The following ECE2 variants were observed in gnomAD, a reference collection of about 807,000 sequenced individuals.
The protein encoded by ECE2 is endothelin converting enzyme 2.
ECE2 carries 81 observed loss-of-function variants against 100.6 expected under a neutral mutation model. The observed-to-expected ratio is 0.81, with a 90% CI of 0.67 to 0.97. ECE2 has a LOEUF of 0.97. ECE2 is among the 50% of genes least tolerant of loss of function. The probability of loss-of-function intolerance (pLI) is 0.00; values close to 1 mark genes in which losing one functional copy is unlikely to be tolerated. For synonymous variants in ECE2, 391 were observed against 391.5 expected, an observed-to-expected ratio of 1.00 and a Z score of 0.02; for missense variants, 911 against 988.1, an observed-to-expected ratio of 0.92 and a Z score of 1.05.
At position 184,287,901 on chromosome 3, in the gene ECE2, G is replaced by C; in HGVS notation, c.1328G>C (p.Gly443Ala). 1.9e-6 allele frequency: 3 copies of C among 1,614,196 alleles called. 1 individual carries two copies. In the South Asian group the frequency reaches 3.3e-5, roughly 18 times the overall value. ...GATGACGCCCTTGGCTTTGCTTTGGGGTCCCTCTTCGTGAAGGCCACGTTT... is the reference window on the plus strand; with the variant it reads ...GATGACGCCCTTGGCTTTGCTTTGGCGTCCCTCTTCGTGAAGGCCACGTTT... ...NTDDALGFAL[G>A]SLFVKATFDR... Residue 443 changes from glycine (G) to alanine (A), a missense_variant, in exon 11 of 19, where the codon GGG (glycine) becomes GCG (alanine). Physicochemically the swap from Gly to Ala is moderately conservative, Grantham distance 60 (BLOSUM62 0). Coordinates refer to ENST00000404464, the MANE Select transcript of ECE2 (RefSeq NM_001100121.2).
At position 184,278,230 on chromosome 3, in the gene ECE2, G is replaced by A. The variant is rs773874128; in HGVS notation, c.667G>A (p.Val223Ile). 6.2e-7 allele frequency: 1 copy of A among 1,614,082 alleles called. No individual in the cohort carries two copies. The highest frequency in any genetic ancestry group is 1.3e-5 in the African/African-American group (1 of 74,930). ...QDNFMEVLKA[V>I]AGTYRATPFF... ...CAACTTTATGGAGGTGTTGAAGGCA[G>A]TAGCAGGGACCTACAGGGCCACCCC... The change falls in exon 6 of 19, where the codon GTA becomes ATA. Residue 223 changes from valine to isoleucine, a missense_variant. Physicochemically the swap from Val to Ile is conservative, Grantham distance 29. Transcript: ENST00000404464.
At chr3:184,290,973 G>T in intron 16 of ECE2, 67 bp from the exon 17 acceptor site, 1 of 1,576,322 alleles carries the variant, frequency 6.3e-7, no homozygotes, top group South Asian at 1.2e-5. Flanking sequence ...CAGGGCTGGT[G>T]GGGGCACTGC....
In ECE2 at chr3:184,289,289, TC is replaced by T; in HGVS notation, c.1375-147del. On this transcript the variant is annotated intron_variant, in intron 11 of 18. Coordinates refer to ENST00000404464, the MANE Select transcript of ECE2 (RefSeq NM_001100121.2). This position sits in a 1 kb window ranked among gnomAD's most constrained non-coding sequence, Gnocchi z 4.1. ...TACCTTTACAAATGGTGTTTCCTTC[TC>T]ATCGTCTCCAGGTGCTCAGCCGTAT... 1 of 667,440 alleles carries T rather than the reference TC, an allele frequency of 1.5e-6. No homozygotes were observed. The highest frequency in any genetic ancestry group is 2.6e-6 in the Non-Finnish European group (1 of 388,446). 41.3% of individuals were successfully genotyped at this position (667,440 alleles called of 1,614,324 possible). A position where few individuals can be genotyped will look rare whatever the true frequency, so the allele number is the denominator to read the frequency against.
At position 184,291,665 on chromosome 3, in the gene ECE2, G is replaced by A. The variant is rs985084963; in HGVS notation, c.2121+226G>A. 14 of 526,408 alleles carry A rather than the reference G, an allele frequency of 2.7e-5. No homozygotes were observed. Among genetic ancestry groups the A allele is most frequent in the Admixed American group, 7.1e-5 (2 of 28,228 alleles). 32.6% of individuals were successfully genotyped at this position (526,408 alleles called of 1,614,324 possible). Reference sequence around the variant, plus strand: ...CGGGAGAATGCCTTGGTAGGATTTCGCATAGTTCAAAGGGCAAGGTTGTCG... The same window carrying A: ...CGGGAGAATGCCTTGGTAGGATTTCACATAGTTCAAAGGGCAAGGTTGTCG... On this transcript the variant is annotated intron_variant, in intron 18 of 18. Transcript: ENST00000404464. This position sits in a 1 kb window ranked among gnomAD's most constrained non-coding sequence, Gnocchi z 4.1.
chr3:184,291,122 C>T lies in ECE2; in HGVS notation c.1917C>T (p.Cys639=). 1.2e-6 allele frequency: 2 copies of T among 1,611,776 alleles called. No individual in the cohort carries two copies. Among genetic ancestry groups the T allele is most frequent in the Non-Finnish European group, 1.7e-6 (2 of 1,178,770 alleles). Reference sequence around the variant, plus strand: ...CAGCCTTCCGGAACCACACGGCCTGCATGGAGGAACAGTACAATCAATACC... The same window carrying T: ...CAGCCTTCCGGAACCACACGGCCTGTATGGAGGAACAGTACAATCAATACC... The part of the protein sequence containing the change: ...SLAAFRNHTA[C]MEEQYNQYQV... The change falls in exon 17 of 19, where the codon TGC becomes TGT. Residue 639 remains cysteine (C), a synonymous_variant. Coordinates refer to ENST00000404464, the MANE Select transcript of ECE2 (RefSeq NM_001100121.2). The surrounding 1 kb of genome is among the most constrained non-coding windows in gnomAD (Gnocchi z 4.1).
At chr3:184,290,770 A>C in intron 15 of ECE2, 23 bp from the exon 16 acceptor site, 2 of 1,614,010 alleles carry the variant, frequency 1.2e-6, no homozygotes, top group Non-Finnish European at 1.7e-6. Flanking sequence ...CCATGTCCTC[A>C]CTTGCTATTC....
chr3:184,290,719 G>C, intron 15 of ECE2, 52 bp downstream of exon 15: 1 of 1,612,708 alleles, frequency 6.2e-7, no homozygotes, highest in Non-Finnish European at 8.5e-7. Flanking sequence ...CTGTGGTTGA[G>C]CTGGGAGCAG....
At chr3:184,286,131 G>T (rs1721027377) in intron 10 of ECE2, among the ~76,000 whole-genome samples, 1 of 152,164 alleles carries the variant, frequency 6.6e-6, no homozygotes, top group Non-Finnish European at 1.5e-5. Context: ...AGCCTTCTCT[G>T]AGAGGTGCCA....
At chr3:184,285,711 T>G in intron 10 of ECE2, 119 bp downstream of exon 10, 1 of 767,472 alleles carries the variant, frequency 1.3e-6, no homozygotes, top group East Asian at 2.5e-5. Flanking sequence ...AGCGCAGAAT[T>G]TGGAAGCAAG....
chr3:184,291,017 GT>G lies in ECE2; in HGVS notation c.1835-22del. Reference sequence around the variant, plus strand: ...AGAGACGAGCTCTGGTTTTGGTGGGGTGCAAAGGTGAGTTCTCCTCAGGGCG... The same window carrying G: ...AGAGACGAGCTCTGGTTTTGGTGGGGGCAAAGGTGAGTTCTCCTCAGGGCG... On this transcript the variant is annotated intron_variant, in intron 16 of 18. Coordinates refer to ENST00000404464, the MANE Select transcript of ECE2 (RefSeq NM_001100121.2). The surrounding 1 kb of genome is among the most constrained non-coding windows in gnomAD (Gnocchi z 4.1). 3 of 1,555,704 alleles carry G rather than the reference GT, an allele frequency of 1.9e-6. No homozygotes were observed. The highest frequency in any genetic ancestry group is 2.6e-6 in the Non-Finnish European group (3 of 1,150,918).
Position 184,277,814 on chromosome 3 carries a change from G to A in ECE2, c.479-111G>A, listed in dbSNP as rs1041684949. Reference sequence around the variant, plus strand: ...TTTCAGACACTCTTCCTGGGTCTGCGTTAGCAGGACTGCTCATTGACAAGG... The same window carrying A: ...TTTCAGACACTCTTCCTGGGTCTGCATTAGCAGGACTGCTCATTGACAAGG... On this transcript the variant is annotated intron_variant, in intron 4 of 18. Coordinates refer to ENST00000404464, the MANE Select transcript of ECE2 (RefSeq NM_001100121.2). 63 of 1,503,160 alleles carry A rather than the reference G, an allele frequency of 4.2e-5. 1 individual carries two copies. In the Middle Eastern group the frequency reaches 9.9e-4, roughly 24 times the overall value. 93.1% of individuals were successfully genotyped at this position (1,503,160 alleles called of 1,614,324 possible). A position where few individuals can be genotyped will look rare whatever the true frequency, so the allele number is the denominator to read the frequency against.
intron 7 of ECE2, among the ~76,000 whole-genome samples, chr3:184,282,443 G>A (rs1720850179): frequency 6.6e-6 from 1 of 152,216 alleles, no homozygotes; most frequent in South Asian, 2.1e-4. Flanking sequence ...TGGTTTCTGG[G>A]AGGAGGGTTA....
intron 7 of ECE2, among the ~76,000 whole-genome samples, chr3:184,282,785 A>G (rs1337757445): frequency 1.3e-5 from 2 of 152,206 alleles, no homozygotes; most frequent in East Asian, 3.9e-4. Context: ...GGGGTGTGAA[A>G]TGGGACTCAT....
chr3:184,277,531 C>A, intron 4 of ECE2, 65 bp downstream of exon 4: 1 of 1,538,170 alleles, frequency 6.5e-7, no homozygotes, highest in Non-Finnish European at 8.9e-7. Flanking sequence ...CAGGGCCTGG[C>A]ACTTAGCAAA....
intron 7 of ECE2, among the ~76,000 whole-genome samples, chr3:184,281,093 T>G (rs952789649): frequency 2.0e-5 from 3 of 152,012 alleles, no homozygotes; most frequent in Non-Finnish European, 4.4e-5. Flanking sequence ...TTAAGGGCAG[T>G]GGGAGAGTCA....
At position 184,289,788 on chromosome 3, in the gene ECE2, TG is replaced by T. The variant is rs1160276366; in HGVS notation, c.1551+74del. On this transcript the variant is annotated intron_variant, in intron 13 of 18. Coordinates refer to ENST00000404464, the MANE Select transcript of ECE2 (RefSeq NM_001100121.2). The surrounding 1 kb of genome is among the most constrained non-coding windows in gnomAD (Gnocchi z 4.1). ...GGCACTGTTCCCTGGGCTTAGAAAT[TG>T]GGGCTCAAGCACTGGGAAAGAGGTG... is the stretch of plus-strand genomic sequence containing the variant. 2.9e-6 allele frequency: 4 copies of T among 1,392,414 alleles called. No homozygotes were observed. The highest frequency in any genetic ancestry group is 3.9e-6 in the Non-Finnish European group (4 of 1,021,684). The allele number at this position is 1,392,414 out of a possible 1,614,324, so 86.3% of individuals were successfully genotyped here.
Position 184,289,099 on chromosome 3 carries a change from G to A in ECE2, c.1375-338G>A, listed in dbSNP as rs1223152542. Among the ~76,000 whole-genome samples, 2 of 150,830 alleles carry A rather than the reference G, an allele frequency of 1.3e-5. No individual in the cohort carries two copies. Among genetic ancestry groups the A allele is most frequent in the African/African-American group, 2.4e-5 (1 of 40,916 alleles). On this transcript the variant is annotated intron_variant, in intron 11 of 18. Transcript: ENST00000404464. The surrounding 1 kb of genome is among the most constrained non-coding windows in gnomAD (Gnocchi z 4.1). ...GAACTCGGGAGGCGGAGGTTGCAGT[G>A]AGCCGAGATTGCGCCACTGCACTCC...
rs1208736326 is a variant in ECE2 at position 184,290,927 on chromosome 3, A to T, written c.1834+67A>T. ...AGTGGCTCCTGCAAGGCCTTGGGAC[A>T]TTGATGTAGCCCCAAGGGCCCTGAA... On this transcript the variant is annotated intron_variant, in intron 16 of 18. Transcript: ENST00000404464. The T allele has an allele frequency of 3.1e-6, 5 of 1,607,834 alleles. No individual in the cohort carries two copies. In the African/African-American group the frequency reaches 5.3e-5, roughly 17 times the overall value.
intron 4 of ECE2, 147 bp downstream of exon 4, chr3:184,277,613 G>A (rs1186953332): frequency 2.1e-6 from 2 of 973,750 alleles, no homozygotes; most frequent in East Asian, 5.2e-5. Flanking sequence ...CAGAGAGCAG[G>A]GGACTATTGA....
Sources: gnomAD v4.1 joint callset for allele counts (sites outside exome capture counted in the v4.1 genomes callset) on GRCh38, gnomAD v4.1.1 for gene constraint, Gnocchi (gnomAD v3.1) non-coding constraint, MANE v1.5 for transcripts, NCBI Gene and HGNC (gene_info 2026-07-23, HGNC 2026-07-21) for gene names.